Variants in GALNTL6 observed in about 807,000 individuals in gnomAD.
The protein encoded by GALNTL6 is polypeptide N-acetylgalactosaminyltransferase-like 6.
GALNTL6 carries 46 observed loss-of-function variants against 73.7 expected under a neutral mutation model. That is an observed-to-expected ratio of 0.62 (90% CI 0.49 to 0.80). GALNTL6 has a LOEUF of 0.80. Ranked by LOEUF, GALNTL6 falls within the 30% of genes least tolerant of loss-of-function variation. The probability of loss-of-function intolerance (pLI) is 0.00; values close to 1 mark genes in which losing one functional copy is unlikely to be tolerated. For missense variants in GALNTL6, 604 were observed against 755.0 expected, an observed-to-expected ratio of 0.80 and a Z score of 2.34; for synonymous variants, 259 against 263.7, an observed-to-expected ratio of 0.98 and a Z score of 0.17.
At chr4:172,271,081 A>G (rs1738630791) in intron 3 of GALNTL6, among the ~76,000 whole-genome samples, 1 of 152,152 alleles carries the variant, frequency 6.6e-6, no homozygotes, top group Non-Finnish European at 1.5e-5. Flanking sequence ...ACTAGGAGAC[A>G]AATGAAGTGC....
intron 7 of GALNTL6, among the ~76,000 whole-genome samples, chr4:172,837,380 A>G (rs1308516139): frequency 1.3e-5 from 2 of 152,208 alleles, no homozygotes; most frequent in Non-Finnish European, 2.9e-5. Flanking sequence ...GACTTTGATC[A>G]TCCATAGTTA....
At chr4:172,140,720 T>C (rs1210894172) in intron 2 of GALNTL6, among the ~76,000 whole-genome samples, 2 of 152,202 alleles carry the variant, frequency 1.3e-5, no homozygotes, top group Non-Finnish European at 2.9e-5. Context: ...ATTTTGTATG[T>C]ATTCACTAGA....
At chr4:172,290,329 A>G (rs1739420396) in intron 3 of GALNTL6, among the ~76,000 whole-genome samples, 1 of 152,200 alleles carries the variant, frequency 6.6e-6, no homozygotes, top group South Asian at 2.1e-4. Flanking sequence ...ATAGATTTCA[A>G]TAACAACAAC....
intron 2 of GALNTL6, among the ~76,000 whole-genome samples, chr4:172,138,494 TATATATATATATA>T (rs1733702943): frequency 2.4e-4 from 2 of 8,492 alleles, no homozygotes; most frequent in Non-Finnish European, 7.1e-4. Context: ...TATATATATA[TATATATATATATA>T]TATATATTTT....
intron 5 of GALNTL6, among the ~76,000 whole-genome samples, chr4:172,790,150 C>T (rs543078927): frequency 2.6e-5 from 4 of 152,222 alleles, no homozygotes; most frequent in African/African-American, 9.6e-5. Flanking sequence ...TCCAGGGCGT[C>T]TGCAGAAAAA....
At chr4:172,250,153 ACT>A (rs1249092722) in intron 3 of GALNTL6, among the ~76,000 whole-genome samples, 1 of 151,690 alleles carries the variant, frequency 6.6e-6, no homozygotes, top group Non-Finnish European at 1.5e-5. Flanking sequence ...GTGGGAGCCC[ACT>A]CCTGCATCAG....
chr4:172,706,139 G>T (rs1296877273), intron 5 of GALNTL6, among the ~76,000 whole-genome samples: 1 of 151,880 alleles, frequency 6.6e-6, no homozygotes, highest in African/African-American at 2.4e-5. Context: ...CTCTAGATTT[G>T]TAAGCATTCT....
At chr4:171,957,867 G>A (rs932610487) in intron 2 of GALNTL6, among the ~76,000 whole-genome samples, 46 of 152,210 alleles carry the variant, frequency 3.0e-4, no homozygotes, top group Admixed American at 1.3e-3. Context: ...CAAAAAAAAT[G>A]GTATTTTCTA....
At chr4:172,967,876 T>C (rs940555531) in intron 10 of GALNTL6, among the ~76,000 whole-genome samples, 1 of 152,238 alleles carries the variant, frequency 6.6e-6, no homozygotes, top group African/African-American at 2.4e-5. Flanking sequence ...GGGGGACTAC[T>C]GTAGTTTTGT....
intron 12 of GALNTL6, among the ~76,000 whole-genome samples, chr4:173,023,243 C>T (rs1753089656): frequency 6.6e-6 from 1 of 152,176 alleles, no homozygotes; most frequent in Non-Finnish European, 1.5e-5. Context: ...GTTTCCACCT[C>T]TTAGAGATGA....
chr4:172,782,846 G>A (rs1335359800), intron 5 of GALNTL6, among the ~76,000 whole-genome samples: 1 of 152,044 alleles, frequency 6.6e-6, no homozygotes, highest in Non-Finnish European at 1.5e-5. Flanking sequence ...TGAGAAAGAA[G>A]AGTAGCACTT....
chr4:172,238,593 C>A (rs965698249), intron 3 of GALNTL6, among the ~76,000 whole-genome samples: 1 of 150,758 alleles, frequency 6.6e-6, no homozygotes, highest in African/African-American at 2.4e-5. Context: ...CTTTTTATTT[C>A]TTTCTCTTGC....
Position 172,057,205 on chromosome 4 carries a change from C to G in GALNTL6, c.139-172451C>G, listed in dbSNP as rs190490432. On this transcript the variant is annotated intron_variant, in intron 2 of 12. Transcript: ENST00000506823. ...GACACATATCTTGAGCCCAGCAGTT[C>G]GAGATCAACCTGAGCAACATGGCGA... Among the ~76,000 whole-genome samples, 400 of 151,956 alleles carry G rather than the reference C, an allele frequency of 2.6e-3. 2 individuals are homozygous for G. The highest frequency in any genetic ancestry group is 9.0e-3 in the African/African-American group (373 of 41,456).
chr4:172,450,737 G>A (rs1024065300), intron 5 of GALNTL6, among the ~76,000 whole-genome samples: 1 of 152,124 alleles, frequency 6.6e-6, no homozygotes, highest in Non-Finnish European at 1.5e-5. Flanking sequence ...GAGCTAATAC[G>A]TGCATCAGAG....
intron 2 of GALNTL6, among the ~76,000 whole-genome samples, chr4:172,067,128 C>T (rs1212541085): frequency 6.6e-6 from 1 of 151,700 alleles, no homozygotes; most frequent in Non-Finnish European, 1.5e-5. Flanking sequence ...TCTTCCTCTC[C>T]CACTTGATCA....
At position 172,834,264 on chromosome 4, in the gene GALNTL6, A is replaced by G. The variant is rs1020062429; in HGVS notation, c.923+20541A>G. On this transcript the variant is annotated intron_variant, in intron 7 of 12. Coordinates refer to ENST00000506823, the MANE Select transcript of GALNTL6 (RefSeq NM_001034845.3). ...TGGGTTACCTCTGGACTGGAAAGTA[A>G]AAGAAACGCTGAGAACCATGAGAGC... Among the ~76,000 whole-genome samples, 3 of 152,222 alleles carry G rather than the reference A, an allele frequency of 2.0e-5. No individual in the cohort carries two copies. The South Asian group carries it at 6.2e-4, about 31-fold the overall frequency.
chr4:171,876,380 AAAT>A (rs1462211045), intron 2 of GALNTL6, among the ~76,000 whole-genome samples: 3 of 152,234 alleles, frequency 2.0e-5, no homozygotes, highest in Non-Finnish European at 4.4e-5. Context: ...AAATCTTTTC[AAAT>A]AATAAGTACT....
chr4:172,536,412 A>G (rs1561127107), intron 5 of GALNTL6, among the ~76,000 whole-genome samples: 1 of 152,188 alleles, frequency 6.6e-6, no homozygotes, highest in Non-Finnish European at 1.5e-5. Flanking sequence ...AGACTTGTTT[A>G]ATGGCTTTGA....
intron 2 of GALNTL6, among the ~76,000 whole-genome samples, chr4:172,046,368 A>C (rs551684009): frequency 6.6e-6 from 1 of 152,142 alleles, no homozygotes; most frequent in African/African-American, 2.4e-5. Context: ...GGTTTGTTAC[A>C]TAGGTATACA....
Sources: gnomAD v4.1 joint callset for allele counts (sites outside exome capture counted in the v4.1 genomes callset) on GRCh38, gnomAD v4.1.1 for gene constraint, MANE v1.5 for transcripts, NCBI Gene and HGNC (gene_info 2026-07-23, HGNC 2026-07-21) for gene names.